Variants in ABI3BP observed in about 807,000 individuals in gnomAD.
ABI3BP encodes target of Nesh-SH3.
ABI3BP carries 216 observed loss-of-function variants against 268.6 expected under a neutral mutation model. The observed-to-expected ratio is 0.80, with a 90% CI of 0.72 to 0.90. ABI3BP has a LOEUF of 0.90. Ranked by LOEUF, ABI3BP falls within the 40% of genes least tolerant of loss-of-function variation. The pLI is 0.00. For missense variants in ABI3BP, 2,090 were observed against 2,182.4 expected (o/e 0.96, Z 0.84); for synonymous variants, 730 against 730.0 (o/e 1.00, Z 0.00).
At chr3:100,798,642 C>T (rs1220846691) in intron 51 of ABI3BP, among the ~76,000 whole-genome samples, 1 of 151,890 alleles carries the variant, frequency 6.6e-6, no homozygotes, top group East Asian at 1.9e-4. Flanking sequence ...ATAAAGTGTG[C>T]CACTCCAAAG....
At chr3:100,936,554 C>A (rs1441886779) in intron 1 of ABI3BP, among the ~76,000 whole-genome samples, 1 of 152,020 alleles carries the variant, frequency 6.6e-6, no homozygotes, top group Non-Finnish European at 1.5e-5. Flanking sequence ...AGTAATGGTA[C>A]CAGCTCCTCT....
At chr3:100,794,820 C>T (rs2097297222) in intron 54 of ABI3BP, 103 bp downstream of exon 54, 4 of 795,938 alleles carry the variant, frequency 5.0e-6, no homozygotes, top group Non-Finnish European at 6.2e-6. Context: ...TTTAAATAAC[C>T]TATTATTTAG....
At chr3:100,896,498 T>G (rs919688457) in intron 4 of ABI3BP, among the ~76,000 whole-genome samples, 2 of 152,162 alleles carry the variant, frequency 1.3e-5, no homozygotes, top group African/African-American at 4.8e-5. Flanking sequence ...CTACACAAGT[T>G]TGCCAGGTTA....
intron 9 of ABI3BP, among the ~76,000 whole-genome samples, chr3:100,868,337 T>C (rs1412306374): frequency 6.6e-6 from 1 of 152,244 alleles, no homozygotes; most frequent in African/African-American, 2.4e-5. Flanking sequence ...TATTTTGTGC[T>C]CCACAGATAC....
rs2098205983 is a variant in ABI3BP, at chr3:100,821,082, G to C, written c.2919C>G (p.Leu973=). The C allele has an allele frequency of 6.5e-7, 1 of 1,535,842 alleles. No individual in the cohort carries two copies. Among genetic ancestry groups the C allele is most frequent in the Admixed American group, 2.0e-5 (1 of 50,988 alleles). The change falls in exon 39 of 68, where the codon CTC becomes CTG. Residue 973 remains leucine, a synonymous_variant. Transcript: ENST00000471714. ...VPTAELKPVT[L]RTETWVTTQA... is the part of the protein sequence containing the mutation. ...GTGTTGTCACCCAAGTCTCAGTTCT[G>C]AGTGTAACAGGTTTGAGCTCCGCAG... is the stretch of plus-strand genomic sequence containing the variant.
intron 63 of ABI3BP, among the ~76,000 whole-genome samples, chr3:100,762,031 A>G (rs1037502569): frequency 1.3e-5 from 2 of 152,216 alleles, no homozygotes; most frequent in African/African-American, 2.4e-5. Context: ...ATCTATTTCA[A>G]AAATTCAACT....
chr3:100,871,593 G>A (rs886895235), intron 9 of ABI3BP, among the ~76,000 whole-genome samples: 2 of 152,138 alleles, frequency 1.3e-5, no homozygotes, highest in Admixed American at 6.5e-5. Flanking sequence ...TTAAAAATGG[G>A]ACTTTGCCTG....
intron 15 of ABI3BP, among the ~76,000 whole-genome samples, 166 bp from the exon 16 acceptor site, chr3:100,850,900 G>T (rs942482782): frequency 2.6e-5 from 4 of 152,142 alleles, no homozygotes; most frequent in Admixed American, 2.0e-4. Flanking sequence ...AGTTGAAGAT[G>T]AGCTCACTTT....
chr3:100,954,974 T>G (rs953097545), intron 1 of ABI3BP, among the ~76,000 whole-genome samples: 1 of 125,640 alleles, frequency 8.0e-6, no homozygotes, highest in Admixed American at 9.7e-5. Context: ...TTAAATTTTG[T>G]CTTTTTTTTT....
chr3:100,820,974 A>G, intron 39 of ABI3BP, 80 bp downstream of exon 39: 1 of 1,178,736 alleles, frequency 8.5e-7, no homozygotes, highest in Non-Finnish European at 1.2e-6. Context: ...GAAAAGCATA[A>G]GAATCTGCGG....
intron 28 of ABI3BP, 37 bp from the exon 29 acceptor site, chr3:100,834,810 TC>T: frequency 6.6e-7 from 1 of 1,516,200 alleles, no homozygotes; most frequent in Non-Finnish European, 8.9e-7. Flanking sequence ...GTCATATGAC[TC>T]CAGAAACCAA....
rs1382931215 is a variant in ABI3BP, at chr3:100,850,660, C to G, written c.1426G>C (p.Ala476Pro). Residue 476 changes from alanine (A) to proline (P), a missense_variant and splice_region_variant, in exon 16 of 68, where the codon GCT becomes CCT. Physicochemically the swap from Ala to Pro is conservative, Grantham distance 27. Transcript: ENST00000471714. ...RTLEQPRATL[A>P]PSETPFVPQK... ...ATGATTTTTCTGTTAAAAACATTAC[C>G]CAGTGTTGCCCTTGGCTGTTCAAGA... 2.5e-6 allele frequency: 4 copies of G among 1,605,502 alleles called. No individual in the cohort carries two copies. In the South Asian group the frequency reaches 3.3e-5, roughly 13 times the overall value.
chr3:100,822,523 G>T (rs1193134588), intron 38 of ABI3BP, 66 bp downstream of exon 38: 12 of 1,423,390 alleles, frequency 8.4e-6, no homozygotes, highest in Non-Finnish European at 1.1e-5. Context: ...CAACCACTGG[G>T]ATTACTCTTG....
At chr3:100,804,913 C>T (rs556192766) in intron 50 of ABI3BP, 47 bp from the exon 51 acceptor site, 2 of 1,473,092 alleles carry the variant, frequency 1.4e-6, no homozygotes, top group South Asian at 1.1e-5. Flanking sequence ...TCAGCATCTT[C>T]CAGTCATGCT....
chr3:100,807,188 G>T (rs1324766080), intron 50 of ABI3BP, among the ~76,000 whole-genome samples: 1 of 151,740 alleles, frequency 6.6e-6, no homozygotes, highest in African/African-American at 2.4e-5. Flanking sequence ...TTTAACGTTA[G>T]ATTTTAGTTT....
In ABI3BP at chr3:100,879,065, A is replaced by C. The variant is rs759428965; in HGVS notation, c.697-2505T>G. Among the ~76,000 whole-genome samples, 8 of 152,250 alleles carry C rather than the reference A, an allele frequency of 5.3e-5. No homozygotes were observed. In the South Asian group the frequency reaches 1.7e-3, roughly 32 times the overall value. On this transcript the variant is annotated intron_variant, in intron 6 of 67. Coordinates refer to ENST00000471714, the MANE Select transcript of ABI3BP (RefSeq NM_001375547.2). ...TATCTTCAGCAATTTTGAACTATAC[A>C]TTAATAGTAACTACGGTCACACTGC...
intron 56 of ABI3BP, 33 bp downstream of exon 56, chr3:100,789,421 C>A (rs751121231): frequency 6.3e-7 from 1 of 1,579,142 alleles, no homozygotes; most frequent in Non-Finnish European, 8.6e-7. Flanking sequence ...CCCCTGCCTG[C>A]TGATTATTTA....
At position 100,798,360 on chromosome 3, in the gene ABI3BP, T is replaced by A. The variant is rs948543221; in HGVS notation, c.3758-1892A>T. Reference sequence around the variant, plus strand: ...TACAGGAAAGTAATATGAATCATTCTCCTACTTGGTCAACTACAGCTCCAA... The same window carrying A: ...TACAGGAAAGTAATATGAATCATTCACCTACTTGGTCAACTACAGCTCCAA... On this transcript the variant is annotated intron_variant, in intron 51 of 67. Transcript: ENST00000471714. Among the ~76,000 whole-genome samples the A allele has an allele frequency of 1.6e-4, 25 of 152,166 alleles. 1 individual carries two copies. The highest frequency in any genetic ancestry group is 5.9e-5 in the Non-Finnish European group (4 of 68,030).
At chr3:100,807,358 T>C (rs1006783481) in intron 50 of ABI3BP, among the ~76,000 whole-genome samples, 1 of 151,990 alleles carries the variant, frequency 6.6e-6, no homozygotes, top group Admixed American at 6.6e-5. Flanking sequence ...TTATTTAAAA[T>C]TTCATATTAT....
Sources: allele counts gnomAD v4.1 joint callset (sites outside exome capture counted in the v4.1 genomes callset), GRCh38; gene constraint gnomAD v4.1.1; transcripts MANE v1.5; gene names NCBI Gene and HGNC (gene_info 2026-07-23, HGNC 2026-07-21).